The following PRKCE variants were observed in gnomAD, a reference collection of about 807,000 sequenced individuals.
PRKCE encodes protein kinase C epsilon.
PRKCE carries 16 observed loss-of-function variants against 85.4 expected under a neutral mutation model. The observed-to-expected ratio is 0.19, with a 90% CI of 0.13 to 0.28. PRKCE has a LOEUF of 0.28. Ranked by LOEUF, PRKCE falls within the 10% of genes least tolerant of loss-of-function variation. The probability of loss-of-function intolerance (pLI) is 1.00; values close to 1 mark genes in which losing one functional copy is unlikely to be tolerated. For missense variants in PRKCE, 573 were observed against 975.2 expected (o/e 0.59, Z 5.49); for synonymous variants, 388 against 371.5 (o/e 1.04, Z -0.51).
chr2:45,986,929 T>C (rs1036865345), intron 6 of PRKCE, among the ~76,000 whole-genome samples: 2 of 151,230 alleles, frequency 1.3e-5, no homozygotes, highest in Non-Finnish European at 2.9e-5. Flanking sequence ...GGAGCAGGAG[T>C]CTCGAGTGTC....
chr2:46,008,651 C>G (rs1249028485), intron 9 of PRKCE, among the ~76,000 whole-genome samples: 3 of 152,182 alleles, frequency 2.0e-5, no homozygotes. Context: ...CTGCCCCTAT[C>G]TCACCCTGAT....
chr2:45,795,920 T>C (rs1481698609), intron 1 of PRKCE, among the ~76,000 whole-genome samples: 3 of 152,212 alleles, frequency 2.0e-5, no homozygotes, highest in African/African-American at 7.2e-5. Flanking sequence ...TTGACAGCGC[T>C]TTTTCAAATT....
intron 10 of PRKCE, among the ~76,000 whole-genome samples, chr2:46,020,158 G>A (rs923570886): frequency 6.6e-6 from 1 of 151,970 alleles, no homozygotes; most frequent in Non-Finnish European, 1.5e-5. Context: ...CCAAGCTGTT[G>A]GTTTTCAAAT....
intron 2 of PRKCE, among the ~76,000 whole-genome samples, chr2:45,882,069 T>C (rs954902963): frequency 6.6e-6 from 1 of 152,246 alleles, no homozygotes; most frequent in Admixed American, 6.5e-5. Flanking sequence ...CATGAGTTAA[T>C]ATTTTAAAAG....
chr2:46,132,923 T>G (rs1399854497), intron 11 of PRKCE, among the ~76,000 whole-genome samples: 2 of 152,208 alleles, frequency 1.3e-5, no homozygotes, highest in African/African-American at 2.4e-5. Flanking sequence ...ACCCCCACTT[T>G]GCAGGAAGAC....
intron 10 of PRKCE, among the ~76,000 whole-genome samples, chr2:46,080,846 T>C (rs564887688): frequency 2.2e-3 from 328 of 152,268 alleles, no homozygotes; most frequent in Non-Finnish European, 3.6e-3. Flanking sequence ...GGGGTGTTGA[T>C]ATAGACAGAC....
intron 1 of PRKCE, among the ~76,000 whole-genome samples, chr2:45,812,429 C>A (rs1373701988): frequency 6.6e-6 from 1 of 152,154 alleles, no homozygotes; most frequent in Non-Finnish European, 1.5e-5. Flanking sequence ...GTGAGTCAAG[C>A]CCTGTGCAGG....
intron 1 of PRKCE, among the ~76,000 whole-genome samples, chr2:45,833,434 C>T (rs1452718813): frequency 6.6e-6 from 1 of 152,140 alleles, no homozygotes; most frequent in Admixed American, 6.5e-5. Flanking sequence ...GAGGTGCTCA[C>T]AGTCTAGGTG....
At chr2:45,738,577 T>C (rs535926940) in intron 1 of PRKCE, among the ~76,000 whole-genome samples, 1 of 152,370 alleles carries the variant, frequency 6.6e-6, no homozygotes, top group East Asian at 1.9e-4. Flanking sequence ...ATCTTGTCAT[T>C]CTTTATATAA....
At chr2:45,780,096 G>A (rs541386215) in intron 1 of PRKCE, among the ~76,000 whole-genome samples, 1 of 152,204 alleles carries the variant, frequency 6.6e-6, no homozygotes, top group Non-Finnish European at 1.5e-5. Flanking sequence ...TAACCACAGT[G>A]CCATTATCAC....
At chr2:46,080,384 G>A (rs1466660146) in intron 10 of PRKCE, among the ~76,000 whole-genome samples, 1 of 152,204 alleles carries the variant, frequency 6.6e-6, no homozygotes, top group Non-Finnish European at 1.5e-5. Flanking sequence ...GCTTTGTTGA[G>A]TAGAAAACAA....
intron 11 of PRKCE, among the ~76,000 whole-genome samples, chr2:46,140,925 T>A (rs1047524516): frequency 1.7e-4 from 26 of 152,170 alleles, no homozygotes; most frequent in Non-Finnish European, 2.5e-4. Context: ...TGCTCGAACT[T>A]ACAGAGAAAC....
Position 45,776,647 on chromosome 2 carries a change from AT to A in PRKCE, c.349-66352del, listed in dbSNP as rs1157555878. ...GAGAACTATTAATTCAGATGATCTA[AT>A]CAAAACCACACAGGAGGCTTTAATG... On this transcript the variant is annotated intron_variant, in intron 1 of 14. Transcript: ENST00000306156. 2.0e-5 allele frequency among the ~76,000 whole-genome samples: 3 copies of A among 152,326 alleles called. No homozygotes were observed. In the East Asian group the frequency reaches 5.8e-4, roughly 29 times the overall value.
chr2:45,890,426 C>T (rs868670158), intron 2 of PRKCE, among the ~76,000 whole-genome samples: 1 of 152,170 alleles, frequency 6.6e-6, no homozygotes, highest in Admixed American at 6.5e-5. Flanking sequence ...GTCTCCCAGA[C>T]TGGATTGCGG....
intron 2 of PRKCE, among the ~76,000 whole-genome samples, chr2:45,868,969 A>AG (rs1309936527): frequency 2.0e-4 from 30 of 150,980 alleles, no homozygotes; most frequent in Non-Finnish European, 3.8e-4. Context: ...AAAAAAAAAA[A>AG]AAAAGAAAAA....
chr2:45,997,804 C>A (rs1704343325), intron 6 of PRKCE, among the ~76,000 whole-genome samples: 1 of 152,214 alleles, frequency 6.6e-6, no homozygotes, highest in East Asian at 1.9e-4. Flanking sequence ...GCCTTGGCCT[C>A]CCAAAGTGCT....
intron 1 of PRKCE, among the ~76,000 whole-genome samples, chr2:45,702,268 G>A (rs1382202227): frequency 6.6e-6 from 1 of 152,230 alleles, no homozygotes; most frequent in Non-Finnish European, 1.5e-5. Context: ...AGATACAGAT[G>A]TGGAAATCTA....
In PRKCE at chr2:46,159,930, T is replaced by C; in HGVS notation, c.2067+178T>C. Reference sequence around the variant, plus strand: ...GTCTTTAGGCCCCAAGTGTTTACTATTGAAAACATGTAACCTACTACAGCA... The same window carrying C: ...GTCTTTAGGCCCCAAGTGTTTACTACTGAAAACATGTAACCTACTACAGCA... On this transcript the variant is annotated intron_variant, in intron 14 of 14. Transcript: ENST00000306156. The surrounding 1 kb of genome is among the most constrained non-coding windows in gnomAD (Gnocchi z 4.1). 1 of 690,866 alleles carries C rather than the reference T, an allele frequency of 1.4e-6. No individual in the cohort carries two copies. Among genetic ancestry groups the C allele is most frequent in the Non-Finnish European group, 2.2e-6 (1 of 444,578 alleles). 42.8% of individuals were successfully genotyped at this position (690,866 alleles called of 1,614,324 possible). A position where few individuals can be genotyped will look rare whatever the true frequency, so the allele number is the denominator to read the frequency against.
chr2:46,123,863 G>C (rs188456246), intron 11 of PRKCE, among the ~76,000 whole-genome samples: 1 of 152,212 alleles, frequency 6.6e-6, no homozygotes, highest in African/African-American at 2.4e-5. Context: ...CAACTGCAAA[G>C]AAATAAAGTT....
Sources: allele counts gnomAD v4.1 joint callset (sites outside exome capture counted in the v4.1 genomes callset), GRCh38; gene constraint gnomAD v4.1.1; non-coding constraint Gnocchi (gnomAD v3.1); transcripts MANE v1.5; gene names NCBI Gene and HGNC (gene_info 2026-07-23, HGNC 2026-07-21).